Variants in NEK6 observed in about 807,000 individuals in gnomAD.
NEK6 encodes NIMA related kinase 6.
NEK6 carries 27 observed loss-of-function variants against 43.5 expected under a neutral mutation model. That is an observed-to-expected ratio of 0.62 (90% CI 0.46 to 0.86). The LOEUF is 0.86. Ranked by LOEUF, NEK6 falls within the 40% of genes least tolerant of loss-of-function variation. The pLI, the probability that NEK6 is intolerant of heterozygous loss-of-function variation, is 0.00. For missense variants in NEK6, 318 were observed against 414.4 expected, an observed-to-expected ratio of 0.77 and a Z score of 2.02; for synonymous variants, 167 against 164.1, an observed-to-expected ratio of 1.02 and a Z score of -0.14.
At chr9:124,327,201 G>A (rs1834382747) in intron 6 of NEK6, 137 bp from the exon 7 acceptor site, 2 of 702,716 alleles carry the variant, frequency 2.8e-6, no homozygotes, top group Admixed American at 4.6e-5. Flanking sequence ...AGGTCCCACA[G>A]CCAGAGCCAG....
chr9:124,336,010 C>G lies in NEK6; in HGVS notation c.623-3561C>G, dbSNP rs547611597. On this transcript the variant is annotated intron_variant, in intron 7 of 9. Coordinates refer to ENST00000320246, the MANE Select transcript of NEK6 (RefSeq NM_014397.6). ...ATTCCAGCAATTTGGGAGGCCAAAG[C>G]GGGCAGATACCCAAGGTCAAGAGTT... is the stretch of plus-strand genomic sequence containing the variant. Among the ~76,000 whole-genome samples the G allele has an allele frequency of 2.0e-4, 31 of 152,084 alleles. No individual in the cohort carries two copies. In the South Asian group the frequency reaches 5.6e-3, roughly 28 times the overall value.
chr9:124,338,482 A>T (rs1189454309), intron 7 of NEK6, among the ~76,000 whole-genome samples: 1 of 152,200 alleles, frequency 6.6e-6, no homozygotes, highest in East Asian at 1.9e-4. Flanking sequence ...TGTCAGGTGT[A>T]TGTGTTGGGA....
chr9:124,314,675 G>A (rs1198401902), intron 4 of NEK6, among the ~76,000 whole-genome samples: 1 of 150,168 alleles, frequency 6.7e-6, no homozygotes, highest in Admixed American at 6.6e-5. Context: ...TATTTCTTTT[G>A]TTTTTTTTTG....
intron 1 of NEK6, among the ~76,000 whole-genome samples, chr9:124,298,319 CAG>C (rs1401197487): frequency 1.3e-5 from 2 of 152,058 alleles, no homozygotes; most frequent in Admixed American, 1.3e-4. Context: ...TTTCCTAGAA[CAG>C]GGAACATCAA....
At chr9:124,271,239 T>TG (rs1345172207) in intron 1 of NEK6, among the ~76,000 whole-genome samples, 4 of 152,196 alleles carry the variant, frequency 2.6e-5, no homozygotes, top group Non-Finnish European at 5.9e-5. Context: ...GCTCCTTGAG[T>TG]GACAAGGGTC....
In NEK6 at chr9:124,275,078, TCCATC is replaced by T. The variant is rs1176241208; in HGVS notation, c.-30+16997_-30+17001del. Among the ~76,000 whole-genome samples, 1 of 152,200 alleles carries T rather than the reference TCCATC, an allele frequency of 6.6e-6. No individual in the cohort carries two copies. Among genetic ancestry groups the T allele is most frequent in the African/African-American group, 2.4e-5 (1 of 41,442 alleles). On this transcript the variant is annotated intron_variant, in intron 1 of 9. Coordinates refer to ENST00000320246, the MANE Select transcript of NEK6 (RefSeq NM_014397.6). The surrounding 1 kb of genome is among the most constrained non-coding windows in gnomAD (Gnocchi z 4.4). ...AGTTCATCGTGTGCCTCACCACACT[TCCATC>T]CCAGTAAACTCCAGGAGGGTGAGAC...
intron 1 of NEK6, among the ~76,000 whole-genome samples, chr9:124,293,965 C>T (rs1156326549): frequency 1.3e-5 from 2 of 152,232 alleles, no homozygotes; most frequent in African/African-American, 2.4e-5. Context: ...ACTGTGTGCT[C>T]ACAGAGTCCT....
At chr9:124,340,429 C>A (rs991787875) in intron 8 of NEK6, among the ~76,000 whole-genome samples, 1 of 152,220 alleles carries the variant, frequency 6.6e-6, no homozygotes, top group South Asian at 2.1e-4. Flanking sequence ...ACAAGCTCCC[C>A]ACTGTCCCTA....
intron 8 of NEK6, among the ~76,000 whole-genome samples, chr9:124,344,358 G>A (rs1313868347): frequency 6.6e-6 from 1 of 152,226 alleles, no homozygotes; most frequent in Non-Finnish European, 1.5e-5. Flanking sequence ...CTCACACTTG[G>A]GCATCAGCTA....
intron 2 of NEK6, among the ~76,000 whole-genome samples, chr9:124,307,209 G>A (rs972655629): frequency 2.0e-5 from 3 of 152,096 alleles, no homozygotes; most frequent in African/African-American, 7.2e-5. Flanking sequence ...AGGGTGGGGG[G>A]TGTTTGTGGC....
At chr9:124,332,019 T>C (rs900095996) in intron 7 of NEK6, among the ~76,000 whole-genome samples, 2 of 152,102 alleles carry the variant, frequency 1.3e-5, no homozygotes, top group Non-Finnish European at 2.9e-5. Context: ...CAGTCACAGG[T>C]CTGCCACCTT....
chr9:124,273,160 T>C (rs944640151), intron 1 of NEK6, among the ~76,000 whole-genome samples: 1 of 152,172 alleles, frequency 6.6e-6, no homozygotes, highest in African/African-American at 2.4e-5. Flanking sequence ...TAGGTTCATG[T>C]GACAGATGAG....
At chr9:124,338,359 T>C (rs954618522) in intron 7 of NEK6, among the ~76,000 whole-genome samples, 1 of 152,230 alleles carries the variant, frequency 6.6e-6, no homozygotes, top group Non-Finnish European at 1.5e-5. Context: ...CACTGGGATA[T>C]TCTCTTTTGT....
intron 2 of NEK6, among the ~76,000 whole-genome samples, chr9:124,303,237 T>G (rs1002044366): frequency 2.0e-5 from 3 of 152,238 alleles, no homozygotes; most frequent in Non-Finnish European, 2.9e-5. Context: ...TGTTGGCTTT[T>G]TCTCCAAAGG....
rs139538718 is a variant in NEK6, at chr9:124,310,289, G to A, written c.91-2220G>A. On this transcript the variant is annotated intron_variant, in intron 2 of 9. Transcript: ENST00000320246. Reference sequence around the variant, plus strand: ...GGACCCAAAGAGTGGGCGCGTGGGCGGTGTCTGCACAGAGCCCAGCATGCA... The same window carrying A: ...GGACCCAAAGAGTGGGCGCGTGGGCAGTGTCTGCACAGAGCCCAGCATGCA... Among the ~76,000 whole-genome samples, 12 of 152,376 alleles carry A rather than the reference G, an allele frequency of 7.9e-5. No individual in the cohort carries two copies. In the East Asian group the frequency reaches 1.9e-3, roughly 25 times the overall value.
At position 124,353,298 on chromosome 9, in the gene NEK6, C is replaced by G; in HGVS notation, c.*2351C>G. The G allele has an allele frequency of 2.5e-6, 1 of 398,168 alleles. No individual in the cohort carries two copies. The highest frequency in any genetic ancestry group is 3.8e-5 in the South Asian group (1 of 26,250). The allele number at this position is 398,168 out of a possible 1,614,324, so 24.7% of individuals were successfully genotyped here. Reference sequence around the variant, plus strand: ...GAAGCCTCAAGGGAGTCCACTCTGACTTCTGACAGCAGACAGAACCTATCT... The same window carrying G: ...GAAGCCTCAAGGGAGTCCACTCTGAGTTCTGACAGCAGACAGAACCTATCT... On this transcript the variant is annotated 3_prime_UTR_variant, in exon 10 of 10. Coordinates refer to ENST00000320246, the MANE Select transcript of NEK6 (RefSeq NM_014397.6).
At chr9:124,268,584 GCTCT>G (rs949344116) in intron 1 of NEK6, among the ~76,000 whole-genome samples, 1 of 152,112 alleles carries the variant, frequency 6.6e-6, no homozygotes, top group African/African-American at 2.4e-5. Context: ...TTTAGTCCTG[GCTCT>G]CTCTCTGCTT....
chr9:124,269,735 GC>G (rs1178115518), intron 1 of NEK6, among the ~76,000 whole-genome samples: 2 of 152,190 alleles, frequency 1.3e-5, no homozygotes, highest in Non-Finnish European at 2.9e-5. Context: ...GGCCACTGCA[GC>G]CCGGTGCCTG....
chr9:124,313,734 G>A (rs1833666141), intron 3 of NEK6, among the ~76,000 whole-genome samples, 189 bp from the exon 4 acceptor site: 2 of 138,894 alleles, frequency 1.4e-5, no homozygotes, highest in African/African-American at 5.9e-5. Flanking sequence ...GATGGGTTTT[G>A]TGGTGGGACA....
Sources: gnomAD v4.1 joint callset for allele counts (sites outside exome capture counted in the v4.1 genomes callset) on GRCh38, gnomAD v4.1.1 for gene constraint, Gnocchi (gnomAD v3.1) non-coding constraint, MANE v1.5 for transcripts, NCBI Gene and HGNC (gene_info 2026-07-23, HGNC 2026-07-21) for gene names.